CACNA1A: variants seen among roughly 807,000 people sequenced by gnomAD.
The protein encoded by CACNA1A is voltage-dependent P/Q-type calcium channel subunit alpha-1A.
Under a neutral mutation model 262.4 loss-of-function variants are expected in CACNA1A, and 57 were observed. The observed-to-expected ratio is 0.22, with a 90% CI of 0.18 to 0.27. The LOEUF is 0.27. Ranked by LOEUF, CACNA1A falls within the 10% of genes least tolerant of loss-of-function variation. The pLI is 1.00. For missense variants in CACNA1A, 2,526 were observed against 3,562.8 expected (o/e 0.71, Z 7.41); for synonymous variants, 1,431 against 1,419.3 (o/e 1.01, Z -0.18).
intron 34 of CACNA1A, among the ~76,000 whole-genome samples, chr19:13,234,543 T>C (rs999414503): frequency 4.6e-5 from 7 of 151,964 alleles, no homozygotes; most frequent in Non-Finnish European, 8.8e-5. Context: ...TCAGAGATAA[T>C]GCCTGGAAAA....
At chr19:13,425,994 G>A (rs2060395905) in intron 3 of CACNA1A, among the ~76,000 whole-genome samples, 1 of 152,160 alleles carries the variant, frequency 6.6e-6, no homozygotes, top group African/African-American at 2.4e-5. Context: ...GGAGGCTGAG[G>A]TTGTAGTGAA....
chr19:13,239,413 A>G (rs1310379260), intron 31 of CACNA1A, among the ~76,000 whole-genome samples: 1 of 152,162 alleles, frequency 6.6e-6, no homozygotes, highest in African/African-American at 2.4e-5. Context: ...CAGTGCAGGT[A>G]TAATTTTAAG....
rs756370156 is a variant in CACNA1A at position 13,332,845 on chromosome 19, C to T, written c.1255+24G>A. 5 of 1,577,900 alleles carry T rather than the reference C, an allele frequency of 3.2e-6. No homozygotes were observed. In the South Asian group the frequency reaches 3.3e-5, roughly 10 times the overall value. On this transcript the variant is annotated intron_variant, in intron 9 of 46. Transcript: ENST00000360228. ...CTCCCTTCTCCCCTGGGACCCACCC[C>T]TGAGGTGGGTTTAGAGCAGTTACCA...
At chr19:13,299,967 A>G (rs1360082310) in intron 18 of CACNA1A, among the ~76,000 whole-genome samples, 1 of 152,140 alleles carries the variant, frequency 6.6e-6, no homozygotes, top group African/African-American at 2.4e-5. Flanking sequence ...ACCGTTCACA[A>G]TAGTGTTTGT....
chr19:13,388,089 G>T (rs1465137259), intron 3 of CACNA1A, among the ~76,000 whole-genome samples: 1 of 151,912 alleles, frequency 6.6e-6, no homozygotes, highest in East Asian at 1.9e-4. Flanking sequence ...TACAGACTCA[G>T]GCCAAATATT....
chr19:13,314,004 AGTAAGACAAAGCCTTT>A (rs1413103513), intron 11 of CACNA1A, among the ~76,000 whole-genome samples: 1 of 152,188 alleles, frequency 6.6e-6, no homozygotes, highest in African/African-American at 2.4e-5. Flanking sequence ...AAAAGTCTTG[AGTAAGACAAAGCCTTT>A]TGTTCTTTGA....
At chr19:13,210,734 A>T (rs1312493509) in intron 43 of CACNA1A, 82 bp from the exon 44 acceptor site, 2 of 1,381,796 alleles carry the variant, frequency 1.4e-6, no homozygotes, top group African/African-American at 1.4e-5. Flanking sequence ...GAGAGTGAGG[A>T]GGTGGTGCAT....
intron 3 of CACNA1A, among the ~76,000 whole-genome samples, chr19:13,403,199 G>A (rs1158844952): frequency 6.6e-6 from 1 of 151,590 alleles, no homozygotes; most frequent in Admixed American, 6.6e-5. Flanking sequence ...AAGAACCAGA[G>A]GGTCTCCTCA....
At chr19:13,277,016 A>G (rs1277179986) in intron 23 of CACNA1A, 53 bp downstream of exon 23, 6 of 1,226,546 alleles carry the variant, frequency 4.9e-6, no homozygotes, top group Non-Finnish European at 7.2e-6. Context: ...CCAGCCCTGC[A>G]CTTGCTTAAA....
chr19:13,257,395 C>T lies in CACNA1A; in HGVS notation c.4545G>A (p.Glu1515=), dbSNP rs1323909500. 4 of 1,613,956 alleles carry T rather than the reference C, an allele frequency of 2.5e-6. No individual in the cohort carries two copies. The highest frequency in any genetic ancestry group is 2.2e-5 in the East Asian group (1 of 44,880). Residue 1515 remains glutamate, a synonymous_variant, in exon 28 of 47, where the codon GAG becomes GAA. Transcript: ENST00000360228. ...FVALIIITFQ[E]QGDKMMEEYS... ...ATTCCTCCATCATCTTGTCCCCTTGCTCCTGGAAGGTGATGATGATCAAGG... is the reference window on the plus strand; with the variant it reads ...ATTCCTCCATCATCTTGTCCCCTTGTTCCTGGAAGGTGATGATGATCAAGG...
At position 13,283,646 on chromosome 19, in the gene CACNA1A, G is replaced by A. The variant is rs545152498; in HGVS notation, c.3693-250C>T. ...AGCAAAGTTCCTATCACTCCCAAAC[G>A]ACCCTCTTGAAGTATCTTGATCCCC... On this transcript the variant is annotated intron_variant, in intron 21 of 46. Coordinates refer to ENST00000360228, the MANE Select transcript of CACNA1A (RefSeq NM_001127222.2). 3.0e-4 allele frequency: 122 copies of A among 412,438 alleles called. 3 individuals carry two copies. In the South Asian group the frequency reaches 4.0e-3, roughly 14 times the overall value. The allele number at this position is 412,438 out of a possible 1,614,324, so 25.5% of individuals were successfully genotyped here.
At chr19:13,391,776 C>G (rs1235112006) in intron 3 of CACNA1A, among the ~76,000 whole-genome samples, 1 of 151,836 alleles carries the variant, frequency 6.6e-6, no homozygotes, top group Admixed American at 6.6e-5. Flanking sequence ...CTGGCTCACA[C>G]CTGTAATCCC....
intron 10 of CACNA1A, among the ~76,000 whole-genome samples, chr19:13,328,987 G>A (rs2058420197): frequency 6.6e-6 from 1 of 151,774 alleles, no homozygotes; most frequent in African/African-American, 2.4e-5. Context: ...TTCCCAAGCA[G>A]CCTAAATTCC....
chr19:13,385,882 C>T (rs950357399), intron 3 of CACNA1A, among the ~76,000 whole-genome samples: 1 of 151,850 alleles, frequency 6.6e-6, no homozygotes, highest in African/African-American at 2.4e-5. Context: ...AGAGTCCAGG[C>T]GTGGTGGCTT....
At chr19:13,428,726 G>A (rs1356873692) in intron 3 of CACNA1A, among the ~76,000 whole-genome samples, 55 of 152,078 alleles carry the variant, frequency 3.6e-4, no homozygotes, top group Non-Finnish European at 4.4e-5. Context: ...CAAATGTTCA[G>A]CTACTTTCTG....
chr19:13,306,564 C>G, intron 15 of CACNA1A: 1 of 152,186 alleles, frequency 6.6e-6, no homozygotes, highest in East Asian at 1.9e-4. Context: ...CATCTGGGGT[C>G]TTGCTGACTC....
intron 6 of CACNA1A, among the ~76,000 whole-genome samples, chr19:13,352,302 G>A (rs1343945714): frequency 6.6e-6 from 1 of 151,598 alleles, no homozygotes; most frequent in African/African-American, 2.4e-5. Context: ...AGCTACTTGG[G>A]AGGAAGAGGT....
In CACNA1A at chr19:13,234,703, CCCCCTATCGGAAGAGAAGGCCGGCACGT is replaced by C. The variant is rs2055809133; in HGVS notation, c.5249+190_5249+217del. 1.3e-5 allele frequency: 7 copies of C among 545,648 alleles called. No individual in the cohort carries two copies. In the South Asian group the frequency reaches 1.6e-4, roughly 12 times the overall value. The allele number at this position is 545,648 out of a possible 1,614,324, so 33.8% of individuals were successfully genotyped here. ...ACCAGAAAAGGAGGAGGAGGGCACG[CCCCCTATCGGAAGAGAAGGCCGGCACGT>C]CCCCTACCGGAAGAGAAGGGCACGC... On this transcript the variant is annotated intron_variant, in intron 34 of 46. Transcript: ENST00000360228.
intron 10 of CACNA1A, among the ~76,000 whole-genome samples, chr19:13,325,814 A>G (rs2058350588): frequency 6.6e-6 from 1 of 152,164 alleles, no homozygotes; most frequent in Non-Finnish European, 1.5e-5. Context: ...GCATAACATG[A>G]TATTTTGACC....
Sources: gnomAD v4.1 joint callset for allele counts (sites outside exome capture counted in the v4.1 genomes callset) on GRCh38, gnomAD v4.1.1 for gene constraint, MANE v1.5 for transcripts, NCBI Gene and HGNC (gene_info 2026-07-23, HGNC 2026-07-21) for gene names.